C20orf203: variants seen among roughly 807,000 people sequenced by gnomAD.
C20orf203 encodes the protein uncharacterized protein C20orf203.
A neutral mutation model predicts 15.9 loss-of-function variants in C20orf203; 16 were observed. The observed-to-expected ratio is 1.01, with a 90% CI of 0.68 to 1.53. The LOEUF (loss-of-function observed/expected upper bound fraction) is 1.53, where lower values mean the gene tolerates loss of function less well. C20orf203 is among the 40% of genes most tolerant of loss of function. The pLI is 0.00. For synonymous variants in C20orf203, 98 were observed against 97.2 expected (o/e 1.01, Z -0.05); for missense variants, 263 against 247.5 (o/e 1.06, Z -0.42).
At chr20:32,647,716 A>T (rs1982475268) in intron 4 of C20orf203, among the ~76,000 whole-genome samples, 1 of 152,116 alleles carries the variant, frequency 6.6e-6, no homozygotes, top group African/African-American at 2.4e-5. Context: ...AAAAAAGTAA[A>T]ATGGAGAACT....
At chr20:32,664,949 G>A (rs1004226159) in intron 1 of C20orf203, among the ~76,000 whole-genome samples, 1 of 152,256 alleles carries the variant, frequency 6.6e-6, no homozygotes, top group Non-Finnish European at 1.5e-5. Flanking sequence ...GTGCAGCAGG[G>A]CTGAGACAGA....
intron 1 of C20orf203, among the ~76,000 whole-genome samples, chr20:32,669,409 G>A (rs1983110385): frequency 6.6e-6 from 1 of 152,206 alleles, no homozygotes. Context: ...AGCCATGTGT[G>A]TACTTGATCA....
chr20:32,672,307 C>T (rs1176263528), intron 1 of C20orf203, among the ~76,000 whole-genome samples: 1 of 151,770 alleles, frequency 6.6e-6, no homozygotes, highest in Non-Finnish European at 1.5e-5. Context: ...CCACTGCACA[C>T]CAGCCCAGGT....
chr20:32,648,748 G>C (rs1440317355), intron 4 of C20orf203, among the ~76,000 whole-genome samples: 4 of 151,942 alleles, frequency 2.6e-5, no homozygotes, highest in Non-Finnish European at 5.9e-5. Flanking sequence ...CACTGCGCTG[G>C]GCCAATAAAC....
chr20:32,662,822 G>A (rs376247912), intron 1 of C20orf203, among the ~76,000 whole-genome samples: 32 of 145,290 alleles, frequency 2.2e-4, no homozygotes, highest in Admixed American at 1.1e-3. Flanking sequence ...GTTCAAGGCC[G>A]CACTGAGCTA....
chr20:32,651,042 A>G lies in C20orf203; in HGVS notation c.111T>C (p.Phe37=). The part of the protein sequence containing the change: ...QWPPRLASFP[F]TKTGMLSRAT... ...CCCGGCTCAGCATTCCAGTTTTTGT[A>G]AAGGGAAAACTGGCCAGGCGAGGTG... Residue 37 remains phenylalanine, a synonymous_variant, in exon 3 of 6, where the codon TTT becomes TTC. Transcript: ENST00000608990. 1 of 1,512,094 alleles carries G rather than the reference A, an allele frequency of 6.6e-7. No homozygotes were observed. The highest frequency in any genetic ancestry group is 8.9e-7 in the Non-Finnish European group (1 of 1,126,904). The allele number at this position is 1,512,094 out of a possible 1,614,324, so 93.7% of individuals were successfully genotyped here.
rs970843050 is a variant in C20orf203 at position 32,631,869 on chromosome 20, C to G, written c.*3701G>C. ...GAGACTCTTCCTAAATCCACTGTGG[C>G]TCCCTCTCCCCAAGGCCAGAGCCAG... On this transcript the variant is annotated 3_prime_UTR_variant, in exon 6 of 6. Transcript: ENST00000608990. 1 of 152,276 alleles carries G rather than the reference C, an allele frequency of 6.6e-6. No homozygotes were observed. Among genetic ancestry groups the G allele is most frequent in the Non-Finnish European group, 1.5e-5 (1 of 68,086 alleles). The allele number at this position is 152,276 out of a possible 1,614,324, so 9.4% of individuals were successfully genotyped here.
intron 1 of C20orf203, among the ~76,000 whole-genome samples, chr20:32,654,225 G>A (rs1982705090): frequency 6.6e-6 from 1 of 151,992 alleles, no homozygotes; most frequent in South Asian, 2.1e-4. Context: ...CTTCAAAAAT[G>A]TAATTATGAA....
intron 1 of C20orf203, among the ~76,000 whole-genome samples, chr20:32,670,550 T>C (rs189605965): frequency 1.2e-3 from 181 of 150,866 alleles, no homozygotes; most frequent in Middle Eastern, 3.5e-3. Flanking sequence ...TAAATAAAAA[T>C]AGGCCACGCA....
chr20:32,665,272 C>T (rs932536756), intron 1 of C20orf203, among the ~76,000 whole-genome samples: 3 of 152,330 alleles, frequency 2.0e-5, no homozygotes, highest in Admixed American at 2.0e-4. Flanking sequence ...TGAAGGCTGC[C>T]CCAGTCTCCA....
chr20:32,652,463 C>T lies in C20orf203; in HGVS notation c.-263-482G>A, dbSNP rs966154157. Among the ~76,000 whole-genome samples, 11 of 151,392 alleles carry T rather than the reference C, an allele frequency of 7.3e-5. No individual in the cohort carries two copies. In the East Asian group the frequency reaches 2.1e-3, roughly 29 times the overall value. On this transcript the variant is annotated intron_variant, in intron 1 of 5. Transcript: ENST00000608990. ...GTGTCTTGGAGCTCAATTTGCAAGG[C>T]AAAGGTTTTGATTTTATTTGAACGA...
In C20orf203 at chr20:32,650,705, C is replaced by T. The variant is rs1190042454; in HGVS notation, c.312G>A (p.Trp104Ter). The T allele has an allele frequency of 4.5e-6, 7 of 1,547,486 alleles. No homozygotes were observed. The highest frequency in any genetic ancestry group is 8.7e-7 in the Non-Finnish European group (1 of 1,145,280). ...TGAGCCTGAGGCCTCCAACTTCCCC[C>T]CACCCCTCCCCACCAACCCAAATCC... ...QERIWVGGEG[W>*]GEVGGLRLSK... Residue 104 changes from tryptophan to a stop codon, truncating the protein, a stop_gained, in exon 4 of 6, where the codon TGG becomes TGA. Coordinates refer to ENST00000608990, the MANE Select transcript of C20orf203 (RefSeq NM_182584.4). LOFTEE classifies it high-confidence loss of function.
intron 1 of C20orf203, among the ~76,000 whole-genome samples, chr20:32,668,391 C>T (rs1037452431): frequency 1.3e-5 from 2 of 151,934 alleles, no homozygotes; most frequent in East Asian, 1.9e-4. Flanking sequence ...TTTGGGAGGC[C>T]GAGGCGGGTG....
At position 32,650,460 on chromosome 20, in the gene C20orf203, G is replaced by A. The variant is rs1982576966; in HGVS notation, c.557C>T (p.Ser186Phe). Reference protein sequence around the residue: ...APLISKQQFLSNSSRSLFN With the variant: ...APLISKQQFLFNSSRSLFN ...ATTAAACAGCGACCGTGATGAATTGGAGAGAAACTGCTGCTTGCTAATTAA... is the reference window on the plus strand; with the variant it reads ...ATTAAACAGCGACCGTGATGAATTGAAGAGAAACTGCTGCTTGCTAATTAA... The change falls in exon 4 of 6, where the codon TCC becomes TTC. Residue 186 changes from serine (S) to phenylalanine (F), a missense_variant. Coordinates refer to ENST00000608990, the MANE Select transcript of C20orf203 (RefSeq NM_182584.4). 11 of 1,550,366 alleles carry A rather than the reference G, an allele frequency of 7.1e-6. No individual in the cohort carries two copies. Among genetic ancestry groups the A allele is most frequent in the East Asian group, 2.4e-5 (1 of 40,918 alleles).
At chr20:32,637,380 C>T (rs1021497797) in intron 5 of C20orf203, among the ~76,000 whole-genome samples, 1 of 152,108 alleles carries the variant, frequency 6.6e-6, no homozygotes, top group African/African-American at 2.4e-5. Flanking sequence ...GCCACTGCTG[C>T]ACTCCAACCT....
chr20:32,642,524 A>G (rs1982313144), intron 4 of C20orf203, among the ~76,000 whole-genome samples: 1 of 152,244 alleles, frequency 6.6e-6, no homozygotes. Context: ...AGAGGCCACC[A>G]GGCAACTGCC....
At chr20:32,666,155 T>TAAAAAAAAAAAAAAAAAAAAAAAG (rs147487671) in intron 1 of C20orf203, among the ~76,000 whole-genome samples, 4 of 102,776 alleles carry the variant, frequency 3.9e-5, no homozygotes, top group Non-Finnish European at 3.7e-5. Context: ...ATAAATAAAG[T>TAAAAAAAAAAAAAAAAAAAAAAAG]AAAAAAAAAA....
intron 5 of C20orf203, among the ~76,000 whole-genome samples, chr20:32,635,876 C>T (rs538690469): frequency 6.6e-6 from 1 of 152,310 alleles, no homozygotes; most frequent in East Asian, 1.9e-4. Context: ...TTCCAGCATC[C>T]TCCTGAGCCA....
chr20:32,672,417 A>G (rs1983195162), intron 1 of C20orf203, among the ~76,000 whole-genome samples: 1 of 151,698 alleles, frequency 6.6e-6, no homozygotes, highest in Non-Finnish European at 1.5e-5. Flanking sequence ...ACATACATAC[A>G]TATGTATTAG....
Sources: gnomAD v4.1 joint callset for allele counts (sites outside exome capture counted in the v4.1 genomes callset) on GRCh38, gnomAD v4.1.1 for gene constraint, MANE v1.5 for transcripts, NCBI Gene and HGNC (gene_info 2026-07-23, HGNC 2026-07-21) for gene names.